Variants in TENM3 observed in about 807,000 individuals in gnomAD.
The protein encoded by TENM3 is teneurin transmembrane protein 3, also known as teneurin-3.
TENM3 carries 63 observed loss-of-function variants against 255.1 expected under a neutral mutation model. The ratio of observed to expected loss-of-function variants is 0.25; its 90% CI spans 0.20 to 0.30. TENM3 has a LOEUF of 0.30. Ranked by LOEUF, TENM3 falls within the 10% of genes least tolerant of loss-of-function variation. The pLI, the probability that TENM3 is intolerant of heterozygous loss-of-function variation, is 1.00. For synonymous variants in TENM3, 1,306 were observed against 1,322.3 expected (o/e 0.99, Z 0.27); for missense variants, 2,929 against 3,461.1 (o/e 0.85, Z 3.86).
At chr4:181,943,405 A>C in the TENM3 span, among the ~76,000 whole-genome samples, 1 of 152,122 alleles carries the variant, frequency 6.6e-6, no homozygotes, top group Non-Finnish European at 1.5e-5. Flanking sequence ...TATTTCCAAA[A>C]TTTTGTCAAA....
At chr4:181,853,769 G>C in the TENM3 span, among the ~76,000 whole-genome samples, 1 of 152,216 alleles carries the variant, frequency 6.6e-6, no homozygotes, top group Non-Finnish European at 1.5e-5. Flanking sequence ...AACGGTCCCG[G>C]AGGGTTAAGA....
At chr4:182,478,789 T>C (rs1057196565) in intron 3 of TENM3, among the ~76,000 whole-genome samples, 2 of 151,938 alleles carry the variant, frequency 1.3e-5, no homozygotes, top group Admixed American at 6.6e-5. Flanking sequence ...TACTTAAATT[T>C]TGTGTTGGTT....
chr4:182,197,675 A>G (rs934921928), intron 1 of TENM3, among the ~76,000 whole-genome samples: 1 of 152,242 alleles, frequency 6.6e-6, no homozygotes, highest in Non-Finnish European at 1.5e-5. Context: ...AATAGTGACA[A>G]TAACTTTAGT....
chr4:182,422,101 T>C (rs1312664876), intron 3 of TENM3, among the ~76,000 whole-genome samples: 1 of 152,266 alleles, frequency 6.6e-6, no homozygotes, highest in East Asian at 1.9e-4. Context: ...TAAAACTATT[T>C]GTAATGTAAA....
chr4:182,119,412 G>A, the TENM3 span, among the ~76,000 whole-genome samples: 7 of 152,044 alleles, frequency 4.6e-5, 1 homozygote, highest in Admixed American at 4.6e-4. Context: ...TTGGCCACAC[G>A]GAGCCTTCAG....
In TENM3 at chr4:182,703,831, A is replaced by G. The variant is rs370170244; in HGVS notation, c.2222-10256A>G. Among the ~76,000 whole-genome samples the G allele has an allele frequency of 1.6e-4, 24 of 152,320 alleles. No individual in the cohort carries two copies. The East Asian group carries it at 4.4e-3, about 28-fold the overall frequency. On this transcript the variant is annotated intron_variant, in intron 12 of 27. Coordinates refer to ENST00000511685, the MANE Select transcript of TENM3 (RefSeq NM_001080477.4). ...TTTTCTTAAATATTAAATGTTGTGA[A>G]TAGACAAAAGTGGCAATTACAGACA...
intron 1 of TENM3, among the ~76,000 whole-genome samples, chr4:182,303,560 A>G (rs996435783): frequency 2.6e-5 from 4 of 152,184 alleles, no homozygotes; most frequent in Non-Finnish European, 5.9e-5. Context: ...GTCATTGTCC[A>G]ATGTATACAT....
chr4:181,467,213 T>C, the TENM3 span, among the ~76,000 whole-genome samples: 2 of 143,646 alleles, frequency 1.4e-5, no homozygotes, highest in African/African-American at 2.6e-5. Flanking sequence ...CCCCGCGACC[T>C]CCGCCTCCCA....
intron 3 of TENM3, among the ~76,000 whole-genome samples, chr4:182,360,055 T>C (rs1414895161): frequency 6.6e-6 from 1 of 152,246 alleles, no homozygotes; most frequent in East Asian, 1.9e-4. Flanking sequence ...TAATCCTGAG[T>C]TCTAGTTTGA....
chr4:182,641,090 C>T lies in TENM3; in HGVS notation c.988+12201C>T, dbSNP rs1406247172. 2.0e-5 allele frequency among the ~76,000 whole-genome samples: 3 copies of T among 152,222 alleles called. No homozygotes were observed. In the East Asian group the frequency reaches 5.8e-4, roughly 29 times the overall value. ...TTGATAAGGCAGATACCCACTTCAT[C>T]TTAGTTGACTGAGTGATAAACAACA... is the stretch of plus-strand genomic sequence containing the variant. On this transcript the variant is annotated intron_variant, in intron 5 of 27. Transcript: ENST00000511685.
At position 182,523,416 on chromosome 4, in the gene TENM3, A is replaced by G. The variant is rs928236226; in HGVS notation, c.512-77508A>G. ...GTCCTCGGTTATGTTAGCCAATTAT[A>G]ACCTTTTTTGGAACATGTAAGGTTC... On this transcript the variant is annotated intron_variant, in intron 3 of 27. Coordinates refer to ENST00000511685, the MANE Select transcript of TENM3 (RefSeq NM_001080477.4). 2.0e-5 allele frequency among the ~76,000 whole-genome samples: 3 copies of G among 152,272 alleles called. No homozygotes were observed. In the South Asian group the frequency reaches 6.2e-4, roughly 32 times the overall value.
the TENM3 span, among the ~76,000 whole-genome samples, chr4:182,069,939 G>T: frequency 6.6e-6 from 1 of 152,288 alleles, no homozygotes; most frequent in Admixed American, 6.5e-5. Flanking sequence ...TAGGATCATT[G>T]ACATCAAACT....
chr4:181,570,596 AG>A, the TENM3 span, among the ~76,000 whole-genome samples: 1 of 150,680 alleles, frequency 6.6e-6, no homozygotes, highest in Non-Finnish European at 1.5e-5. Flanking sequence ...AGAAAGAAAA[AG>A]AGAGGAAGGA....
rs765914664 is a variant in TENM3 at position 182,714,180 on chromosome 4, G to C, written c.2315G>C (p.Gly772Ala). ...CVCQPGWRGA[G>A]CDVAMETLCT... The stretch of plus-strand genomic sequence containing the variant: ...TGCCAGCCTGGATGGAGAGGAGCAG[G>C]CTGTGACGTAGCCATGGAGACTCTT... Residue 772 changes from glycine to alanine, a missense_variant, in exon 13 of 28, where the codon GGC (glycine) becomes GCC (alanine). Around this residue, in one of 6 missense-constraint regions of TENM3, gnomAD observed 1,608 missense variants for 1,884.4 expected, o/e 0.85. Transcript: ENST00000511685. 1.2e-6 allele frequency: 2 copies of C among 1,613,954 alleles called. No individual in the cohort carries two copies. The highest frequency in any genetic ancestry group is 1.7e-6 in the Non-Finnish European group (2 of 1,179,872).
chr4:181,518,324 A>G, the TENM3 span, among the ~76,000 whole-genome samples: 22 of 152,094 alleles, frequency 1.4e-4, no homozygotes, highest in South Asian at 4.1e-4. Context: ...CCCTTTAAAA[A>G]TATAATTAGA....
the TENM3 span, among the ~76,000 whole-genome samples, chr4:181,639,259 G>A: frequency 6.6e-6 from 1 of 152,074 alleles, no homozygotes; most frequent in African/African-American, 2.4e-5. Flanking sequence ...AGCATATCAT[G>A]GCATATTGAC....
intron 22 of TENM3, among the ~76,000 whole-genome samples, chr4:182,770,119 AAAAC>A (rs1381958527): frequency 6.6e-6 from 1 of 152,036 alleles, no homozygotes; most frequent in Non-Finnish European, 1.5e-5. Context: ...AAAAAAAAAA[AAAAC>A]AGTTCTTTTG....
the TENM3 span, among the ~76,000 whole-genome samples, chr4:181,501,639 A>C: frequency 6.6e-6 from 1 of 151,966 alleles, no homozygotes; most frequent in Non-Finnish European, 1.5e-5. Context: ...TGACCTCCCA[A>C]AGTGCTGAGA....
At chr4:182,461,615 GTAT>G (rs201905139) in intron 3 of TENM3, among the ~76,000 whole-genome samples, 236 of 152,270 alleles carry the variant, frequency 1.5e-3, no homozygotes, top group African/African-American at 5.5e-3. Flanking sequence ...AAGCAAGGTA[GTAT>G]TAATAGAAGT....
Sources: allele counts gnomAD v4.1 joint callset (sites outside exome capture counted in the v4.1 genomes callset), GRCh38; gene constraint gnomAD v4.1.1; regional missense constraint gnomAD v4.1.1; transcripts MANE v1.5; gene names NCBI Gene and HGNC (gene_info 2026-07-23, HGNC 2026-07-21).